PTPRA: variants seen among roughly 807,000 people sequenced by gnomAD.
PTPRA encodes the protein receptor-type tyrosine-protein phosphatase alpha.
PTPRA carries 25 observed loss-of-function variants against 104.8 expected under a neutral mutation model. That is an observed-to-expected ratio of 0.24 (90% CI 0.17 to 0.33). The LOEUF (loss-of-function observed/expected upper bound fraction) is 0.33. Ranked by LOEUF, PTPRA falls within the 10% of genes least tolerant of loss-of-function variation. PTPRA has a pLI of 1.00. For missense variants in PTPRA, 765 were observed against 1,015.3 expected (o/e 0.75, Z 3.35); for synonymous variants, 323 against 368.9 (o/e 0.88, Z 1.43).
In PTPRA at chr20:2,988,055, G is replaced by A; in HGVS notation, c.551G>A (p.Gly184Glu). The A allele has an allele frequency of 6.3e-7, 1 of 1,587,080 alleles. No homozygotes were observed. The highest frequency in any genetic ancestry group is 1.1e-5 in the South Asian group (1 of 90,474). Residue 184 changes from glycine (G) to glutamate (E), a missense_variant, in exon 8 of 24, where the codon GGG (glycine) becomes GAG (glutamate). Around this residue, in one of 4 missense-constraint regions of PTPRA, gnomAD observed 256 missense variants for 248.9 expected, o/e 1.03. Coordinates refer to ENST00000399903, the MANE Select transcript of PTPRA (RefSeq NM_001385305.1). ...AGGTTTAAGAAATACAAGCAAGCTG[G>A]GAGCCATTCCAATTCTTTCCGCTTA... ...MLRFKKYKQA[G>E]SHSNSFRLSN... is the part of the protein sequence containing the mutation.
the PTPRA span, chr20:2,864,537 G>A: frequency 6.2e-7 from 1 of 1,614,164 alleles, no homozygotes; most frequent in East Asian, 2.2e-5. This position sits in a 1 kb window ranked among gnomAD's most constrained non-coding sequence, Gnocchi z 5.2. Context: ...TTGCCTGCCT[G>A]TGGCCCCAGT....
rs2065780335 is a variant in PTPRA, at chr20:3,035,961, T to A, written c.2198+20T>A. 3 of 1,612,156 alleles carry A rather than the reference T, an allele frequency of 1.9e-6. No individual in the cohort carries two copies. The African/African-American group carries it at 4.0e-5, about 22-fold the overall frequency. On this transcript the variant is annotated intron_variant, in intron 22 of 23. Coordinates refer to ENST00000399903, the MANE Select transcript of PTPRA (RefSeq NM_001385305.1). This position sits in a 1 kb window ranked among gnomAD's most constrained non-coding sequence, Gnocchi z 5.8. ...CTGCAGGTATGGCTCACCCTTGCCCTCAGCGGGAGAGAGAAAGCGAGGAGG... is the reference window on the plus strand; with the variant it reads ...CTGCAGGTATGGCTCACCCTTGCCCACAGCGGGAGAGAGAAAGCGAGGAGG...
Position 2,896,017 on chromosome 20 carries a change from C to G in PTPRA, c.-129+22257C>G, listed in dbSNP as rs564128409. On this transcript the variant is annotated intron_variant, in intron 1 of 23. Transcript: ENST00000399903. ...TGTATTTATAAGTGTCTCTTATTTT[C>G]AAATAGGTTTTTTCTAGTTATCTTT... Among the ~76,000 whole-genome samples, 11 of 151,952 alleles carry G rather than the reference C, an allele frequency of 7.2e-5. No homozygotes were observed. The East Asian group carries it at 2.1e-3, about 29-fold the overall frequency.
Position 3,035,984 on chromosome 20 carries a change from A to C in PTPRA, c.2198+43A>C. 6.2e-7 allele frequency: 1 copy of C among 1,610,660 alleles called. No homozygotes were observed. The stretch of plus-strand genomic sequence containing the variant: ...CCTCAGCGGGAGAGAGAAAGCGAGG[A>C]GGGGCAGATAGGGGAAGCTGATGAC... On this transcript the variant is annotated intron_variant, in intron 22 of 23. Transcript: ENST00000399903. This position sits in a 1 kb window ranked among gnomAD's most constrained non-coding sequence, Gnocchi z 5.8.
In PTPRA at chr20:2,910,598, T is replaced by TG. The variant is rs1256700519; in HGVS notation, c.-128-12609_-128-12608insG. On this transcript the variant is annotated intron_variant, in intron 1 of 23. Transcript: ENST00000399903. ...AGCTAGTTTTTTTTTTGTTTTTTTT[T>TG]TGTTTTTTTTAATTTTTTTTTTTTT... 2.3e-4 allele frequency among the ~76,000 whole-genome samples: 29 copies of TG among 126,562 alleles called. 1 individual carries two copies. The East Asian group carries it at 3.6e-3, about 16-fold the overall frequency. The allele number at this position is 126,562 out of a possible 152,430, so 83.0% of individuals were successfully genotyped here.
At chr20:3,005,884 A>G (rs1454171608) in intron 10 of PTPRA, among the ~76,000 whole-genome samples, 1 of 151,764 alleles carries the variant, frequency 6.6e-6, no homozygotes, top group Non-Finnish European at 1.5e-5. Context: ...GCTAACAGAC[A>G]TTTTTCTAGT....
intron 1 of PTPRA, among the ~76,000 whole-genome samples, chr20:2,880,031 G>A (rs556051111): frequency 6.6e-6 from 1 of 152,352 alleles, no homozygotes; most frequent in East Asian, 1.9e-4. Flanking sequence ...ACTAAGGACA[G>A]TGTTGAGACT....
intron 5 of PTPRA, among the ~76,000 whole-genome samples, chr20:2,965,687 G>T (rs1184669388): frequency 2.0e-5 from 3 of 152,194 alleles, no homozygotes; most frequent in Non-Finnish European, 1.5e-5. Context: ...ATGGAAAGGA[G>T]AATGGACATT....
At chr20:2,880,681 C>T (rs753260605) in intron 1 of PTPRA, among the ~76,000 whole-genome samples, 1 of 152,118 alleles carries the variant, frequency 6.6e-6, no homozygotes, top group Non-Finnish European at 1.5e-5. Context: ...CATGAACTTT[C>T]GTGCTCTGTC....
chr20:3,010,824 T>C lies in PTPRA; in HGVS notation c.906+3404T>C, dbSNP rs1347353180. ...CCCTCTCTAATCACTGGCTAGGACATTGAGAATGATCATGATTTACCCCTC... is the reference window on the plus strand; with the variant it reads ...CCCTCTCTAATCACTGGCTAGGACACTGAGAATGATCATGATTTACCCCTC... On this transcript the variant is annotated intron_variant, in intron 11 of 23. Transcript: ENST00000399903. Among the ~76,000 whole-genome samples, 3 of 152,074 alleles carry C rather than the reference T, an allele frequency of 2.0e-5. No homozygotes were observed. In the East Asian group the frequency reaches 5.8e-4, roughly 29 times the overall value.
intron 1 of PTPRA, among the ~76,000 whole-genome samples, chr20:2,881,359 T>A (rs1425702836): frequency 6.6e-6 from 1 of 151,634 alleles, no homozygotes; most frequent in Non-Finnish European, 1.5e-5. Flanking sequence ...TAATAAAATA[T>A]GAGGCTGTCA....
At chr20:2,964,791 G>A (rs2061885521) in intron 4 of PTPRA, 70 bp from the exon 5 acceptor site, 5 of 1,369,436 alleles carry the variant, frequency 3.7e-6, no homozygotes, top group Non-Finnish European at 5.1e-6. Flanking sequence ...AAGGCTTGCT[G>A]CTTTGTGTCT....
intron 2 of PTPRA, among the ~76,000 whole-genome samples, chr20:2,934,178 A>T (rs1408157545): frequency 6.6e-6 from 1 of 152,120 alleles, no homozygotes; most frequent in Non-Finnish European, 1.5e-5. Flanking sequence ...ATCATGGCTC[A>T]CTGCGGCATC....
chr20:2,889,476 G>A (rs1033473212), intron 1 of PTPRA, among the ~76,000 whole-genome samples: 2 of 152,174 alleles, frequency 1.3e-5, no homozygotes, highest in African/African-American at 4.8e-5. Context: ...TGTAAATGTA[G>A]TAAAACAGGT....
Position 3,027,158 on chromosome 20 carries a change from C to T in PTPRA, c.1746C>T (p.Gly582=), listed in dbSNP as rs991122601. Residue 582 remains glycine, a synonymous_variant, in exon 19 of 24, where the codon GGC becomes GGT. Transcript: ENST00000399903. The part of the protein sequence containing the change: ...FNRVIIPVKR[G]EENTDYVNAS... ...GAGTGATCATTCCAGTTAAGCGGGGCGAAGAGAATACAGACTATGTGAACG... is the reference window on the plus strand; with the variant it reads ...GAGTGATCATTCCAGTTAAGCGGGGTGAAGAGAATACAGACTATGTGAACG... The T allele has an allele frequency of 1.2e-5, 19 of 1,613,954 alleles. No individual in the cohort carries two copies. The African/African-American group carries it at 1.5e-4, about 12-fold the overall frequency.
At chr20:2,927,570 A>G (rs1399938858) in intron 2 of PTPRA, among the ~76,000 whole-genome samples, 1 of 152,140 alleles carries the variant, frequency 6.6e-6, no homozygotes, top group Non-Finnish European at 1.5e-5. Context: ...GTACACTCCA[A>G]TCCGAGACCA....
intron 2 of PTPRA, among the ~76,000 whole-genome samples, chr20:2,933,984 C>G (rs997917375): frequency 1.3e-5 from 2 of 152,146 alleles, no homozygotes; most frequent in Admixed American, 6.5e-5. Flanking sequence ...TACTTATTTA[C>G]ATTCCATTGT....
chr20:3,007,810 ATAT>A (rs1055387282), intron 11 of PTPRA, among the ~76,000 whole-genome samples: 1 of 129,442 alleles, frequency 7.7e-6, no homozygotes, highest in Non-Finnish European at 1.6e-5. Context: ...GTGTATGTAT[ATAT>A]GTGTGTGTGT....
At chr20:2,918,459 G>T (rs1413327153) in intron 1 of PTPRA, among the ~76,000 whole-genome samples, 1 of 152,222 alleles carries the variant, frequency 6.6e-6, no homozygotes, top group Non-Finnish European at 1.5e-5. Flanking sequence ...GCCGTAGTAA[G>T]CATGGGACTT....
Sources: gnomAD v4.1 joint callset for allele counts (sites outside exome capture counted in the v4.1 genomes callset) on GRCh38, gnomAD v4.1.1 for gene constraint, gnomAD v4.1.1 regional missense constraint, Gnocchi (gnomAD v3.1) non-coding constraint, MANE v1.5 for transcripts, NCBI Gene and HGNC (gene_info 2026-07-23, HGNC 2026-07-21) for gene names.